The following MFSD8 variants were observed in gnomAD, a reference collection of about 807,000 sequenced individuals.
The protein encoded by MFSD8 is major facilitator superfamily domain-containing protein 8.
MFSD8 carries 55 observed loss-of-function variants against 66.4 expected under a neutral mutation model. That is an observed-to-expected ratio of 0.83 (90% confidence interval 0.67 to 1.04). The LOEUF (loss-of-function observed/expected upper bound fraction) is 1.04. Among genes scored for constraint, MFSD8 ranks in the 50% least tolerant of loss-of-function variants. The pLI, the probability that MFSD8 is intolerant of heterozygous loss-of-function variation, is 0.00. For missense variants in MFSD8, 550 were observed against 627.6 expected (o/e 0.88, Z 1.32); for synonymous variants, 202 against 212.8 (o/e 0.95, Z 0.44).
intron 5 of MFSD8, among the ~76,000 whole-genome samples, chr4:127,940,550 G>A (rs982325695): frequency 3.4e-5 from 5 of 146,304 alleles, no homozygotes; most frequent in East Asian, 2.0e-4. Flanking sequence ...GTGTGTGTGT[G>A]TATATATTTA....
chr4:127,936,915 T>A lies in MFSD8; in HGVS notation c.754+1868A>T, dbSNP rs574520554. On this transcript the variant is annotated intron_variant, in intron 7 of 11. Transcript: ENST00000641686. Reference sequence around the variant, plus strand: ...CTGATTTTTACATATCTTCCCTTTGTCATACCTCTACCTCACCCTCTTAAC... The same window carrying A: ...CTGATTTTTACATATCTTCCCTTTGACATACCTCTACCTCACCCTCTTAAC... Among the ~76,000 whole-genome samples, 80 of 152,306 alleles carry A rather than the reference T, an allele frequency of 5.3e-4. 1 individual carries two copies. The South Asian group carries it at 8.3e-3, about 16-fold the overall frequency.
intron 4 of MFSD8, 97 bp from the exon 5 acceptor site, chr4:127,942,255 G>A (rs1740309252): frequency 4.4e-6 from 4 of 910,446 alleles, no homozygotes; most frequent in Non-Finnish European, 5.4e-6. Context: ...AGAAATCTTG[G>A]TCAACAGTAC....
At chr4:127,929,031 T>G (rs1737665430) in intron 9 of MFSD8, among the ~76,000 whole-genome samples, 1 of 151,782 alleles carries the variant, frequency 6.6e-6, no homozygotes, top group Non-Finnish European at 1.5e-5. Context: ...GCTAAAAAAG[T>G]GAATCTCAGG....
rs1475629702 is a variant in MFSD8, at chr4:127,919,073, A to G, written c.*1557T>C. 1.3e-5 allele frequency: 2 copies of G among 152,214 alleles called. No individual in the cohort carries two copies. The highest frequency in any genetic ancestry group is 6.5e-5 in the Admixed American group (1 of 15,268). The allele number at this position is 152,214 out of a possible 1,614,324, so 9.4% of individuals were successfully genotyped here. A position where few individuals can be genotyped will look rare whatever the true frequency, so the allele number is the denominator to read the frequency against. ...GCAGTCTTGCTATGGGCGGCAGAGGAGAGTGAAAACAGTCTTCAAAATTTA... is the reference window on the plus strand; with the variant it reads ...GCAGTCTTGCTATGGGCGGCAGAGGGGAGTGAAAACAGTCTTCAAAATTTA... On this transcript the variant is annotated 3_prime_UTR_variant, in exon 12 of 12. Transcript: ENST00000641686.
At chr4:127,958,581 C>A (rs2148976744) in intron 1 of MFSD8, among the ~76,000 whole-genome samples, 1 of 151,814 alleles carries the variant, frequency 6.6e-6, no homozygotes. Context: ...GTGTTTAACA[C>A]TATATATGTC....
At chr4:127,935,474 T>A (rs1295138777) in intron 7 of MFSD8, among the ~76,000 whole-genome samples, 1 of 152,200 alleles carries the variant, frequency 6.6e-6, no homozygotes, top group Non-Finnish European at 1.5e-5. Context: ...TTCTATGCAA[T>A]TAGAAATTAT....
At position 127,941,980 on chromosome 4, in the gene MFSD8, G is replaced by A; in HGVS notation, c.553+65C>T. 7 of 1,253,050 alleles carry A rather than the reference G, an allele frequency of 5.6e-6. No homozygotes were observed. The South Asian group carries it at 8.4e-5, about 15-fold the overall frequency. The allele number at this position is 1,253,050 out of a possible 1,614,324, so 77.6% of individuals were successfully genotyped here. On this transcript the variant is annotated intron_variant, in intron 5 of 11. Coordinates refer to ENST00000641686, the MANE Select transcript of MFSD8 (RefSeq NM_001371596.2). ...TGAGTTTTTATACTTGGGTTACACT[G>A]AATATTTAAGCCTCAAAAGTTTTCC...
intron 1 of MFSD8, among the ~76,000 whole-genome samples, chr4:127,962,117 C>G (rs951779362): frequency 2.0e-5 from 3 of 152,152 alleles, no homozygotes; most frequent in Non-Finnish European, 4.4e-5. Context: ...GCGAGGAAAA[C>G]AGTCTGTCAG....
intron 9 of MFSD8, among the ~76,000 whole-genome samples, chr4:127,925,254 A>C (rs1736999141): frequency 6.6e-6 from 1 of 152,228 alleles, no homozygotes; most frequent in Non-Finnish European, 1.5e-5. Context: ...GATCTAATTA[A>C]ACTAAAGAGC....
intron 2 of MFSD8, among the ~76,000 whole-genome samples, chr4:127,951,057 C>CAA (rs111867339): frequency 9.3e-6 from 1 of 107,066 alleles, no homozygotes. Flanking sequence ...GACTCTGTCT[C>CAA]AAAAAAAAAA....
At chr4:127,955,001 G>T (rs1742615359) in intron 2 of MFSD8, among the ~76,000 whole-genome samples, 1 of 152,156 alleles carries the variant, frequency 6.6e-6, no homozygotes, top group Non-Finnish European at 1.5e-5. Flanking sequence ...GAAAAAATTG[G>T]AACCCTGACT....
intron 9 of MFSD8, among the ~76,000 whole-genome samples, chr4:127,923,721 A>G (rs1736740723): frequency 6.6e-6 from 1 of 151,682 alleles, no homozygotes; most frequent in South Asian, 2.1e-4. Flanking sequence ...CTGGGACTAC[A>G]GGTGCCTGCC....
chr4:127,921,391 T>A (rs1277855326), intron 11 of MFSD8, 133 bp downstream of exon 11: 3 of 1,463,088 alleles, frequency 2.1e-6, no homozygotes, highest in African/African-American at 1.4e-5. Context: ...GTGGGATTTT[T>A]AAAAATTTTA....
rs778785216 is a variant in MFSD8, at chr4:127,921,558, G to A, written c.1316C>T (p.Thr439Ile). 6.2e-7 allele frequency: 1 copy of A among 1,614,176 alleles called. No individual in the cohort carries two copies. The highest frequency in any genetic ancestry group is 8.5e-7 in the Non-Finnish European group (1 of 1,180,014). ...GYPVCNLMSY[T>I]LYSKILGPKP... is the part of the protein sequence containing the mutation. The stretch of plus-strand genomic sequence containing the variant: ...TGGTCCTAGAATTTTTGAATATAGA[G>A]TATAGGACATAAGATTGCAGACTGG... Residue 439 changes from threonine (T) to isoleucine (I), a missense_variant, in exon 11 of 12, where the codon ACT becomes ATT. Thr to Ile is a moderately conservative substitution (Grantham distance 89). Coordinates refer to ENST00000641686, the MANE Select transcript of MFSD8 (RefSeq NM_001371596.2).
chr4:127,939,891 C>A lies in MFSD8; in HGVS notation c.660G>T (p.Leu220=), dbSNP rs765916112. Residue 220 remains leucine (L), a synonymous_variant, in exon 6 of 12, where the codon CTG becomes CTT. Coordinates refer to ENST00000641686, the MANE Select transcript of MFSD8 (RefSeq NM_001371596.2). ...GGATCAGAATAATATTTAAAATTCC[C>A]AGGAAGGCGCTAAGTAAAACTGGTG... The part of the protein sequence containing the change: ...YTTPVLLSAF[L]GILNIILILA... 1 of 1,613,242 alleles carries A rather than the reference C, an allele frequency of 6.2e-7. No individual in the cohort carries two copies. Among genetic ancestry groups the A allele is most frequent in the Non-Finnish European group, 8.5e-7 (1 of 1,179,564 alleles).
intron 5 of MFSD8, among the ~76,000 whole-genome samples, chr4:127,941,024 G>A (rs1342320625): frequency 2.0e-5 from 3 of 152,058 alleles, no homozygotes; most frequent in Non-Finnish European, 4.4e-5. Context: ...ATGCTTTTAA[G>A]GTGGTAAAAA....
At chr4:127,937,298 T>A (rs1047750785) in intron 7 of MFSD8, among the ~76,000 whole-genome samples, 1 of 152,232 alleles carries the variant, frequency 6.6e-6, no homozygotes, top group East Asian at 1.9e-4. Context: ...ATTGAAATCA[T>A]CTTCTCTTTT....
At chr4:127,935,680 T>C (rs370430422) in intron 7 of MFSD8, among the ~76,000 whole-genome samples, 93 of 152,324 alleles carry the variant, frequency 6.1e-4, no homozygotes, top group Middle Eastern at 3.4e-3. Flanking sequence ...CCATTTGTAC[T>C]TTAGAACAGT....
upstream of MFSD8, chr4:127,965,532 C>A: frequency 3.3e-6 from 1 of 301,732 alleles, no homozygotes; most frequent in Non-Finnish European, 6.5e-6. Context: ...AAGTTGAGTC[C>A]TGGAAAGGGA....
Sources: allele counts gnomAD v4.1 joint callset (sites outside exome capture counted in the v4.1 genomes callset), GRCh38; gene constraint gnomAD v4.1.1; transcripts MANE v1.5; gene names NCBI Gene and HGNC (gene_info 2026-07-23, HGNC 2026-07-21).